The following PGAP1 variants were observed in gnomAD, a reference collection of about 807,000 sequenced individuals.
The protein encoded by PGAP1 is post-GPI attachment to proteins inositol deacylase 1, also known as GPI inositol-deacylase.
In PGAP1, 76 loss-of-function variants were observed where a neutral mutation model predicts 127.0. That is an observed-to-expected ratio of 0.60 (90% CI 0.50 to 0.72). The LOEUF is 0.72. Ranked by LOEUF, PGAP1 falls within the 30% of genes least tolerant of loss-of-function variation. The probability of loss-of-function intolerance (pLI) is 0.00; values close to 1 mark genes in which losing one functional copy is unlikely to be tolerated. For missense variants in PGAP1, 982 were observed against 1,071.3 expected, an observed-to-expected ratio of 0.92 and a Z score of 1.16; for synonymous variants, 362 against 366.5, an observed-to-expected ratio of 0.99 and a Z score of 0.14.
At chr2:196,852,987 T>C (rs1700768306) in intron 20 of PGAP1, among the ~76,000 whole-genome samples, 1 of 152,210 alleles carries the variant, frequency 6.6e-6, no homozygotes, top group Non-Finnish European at 1.5e-5. Flanking sequence ...AAGATTAAGA[T>C]TCGATATTAA....
chr2:196,883,402 C>A (rs1446780305), intron 12 of PGAP1, among the ~76,000 whole-genome samples: 1 of 152,172 alleles, frequency 6.6e-6, no homozygotes, highest in Admixed American at 6.5e-5. Context: ...CTGGGCTTCA[C>A]CCCGACTTAG....
chr2:196,876,157 G>A (rs558374303), intron 13 of PGAP1, among the ~76,000 whole-genome samples: 1 of 152,190 alleles, frequency 6.6e-6, no homozygotes, highest in African/African-American at 2.4e-5. Context: ...ATCAGCCTAG[G>A]CTAATTCAAG....
chr2:196,920,232 C>T (rs1020831631), intron 1 of PGAP1, 82 bp from the exon 2 acceptor site: 28 of 1,254,378 alleles, frequency 2.2e-5, no homozygotes, highest in Non-Finnish European at 3.0e-5. Flanking sequence ...CTGAATTACG[C>T]AAATTTGAAA....
chr2:196,845,323 GGA>G (rs1461830958), intron 23 of PGAP1, among the ~76,000 whole-genome samples: 1 of 150,698 alleles, frequency 6.6e-6, no homozygotes, highest in Non-Finnish European at 1.5e-5. Context: ...AGAATAACAT[GGA>G]GAGAATACAC....
chr2:196,922,169 T>C, intron 1 of PGAP1: 1 of 1,298,842 alleles, frequency 7.7e-7, no homozygotes, highest in African/African-American at 1.5e-5. Context: ...TCTGCCTTAG[T>C]TCAGGTTCTT....
In PGAP1 at chr2:196,838,411, C is replaced by T. The variant is rs1189764380; in HGVS notation, c.*2823G>A. 6.6e-6 allele frequency: 1 copy of T among 152,126 alleles called. No individual in the cohort carries two copies. Among genetic ancestry groups the T allele is most frequent in the Non-Finnish European group, 1.5e-5 (1 of 68,000 alleles). The allele number at this position is 152,126 out of a possible 1,614,324, so 9.4% of individuals were successfully genotyped here. ...TGATGAAAACTGTGTAATTTAAAGG[C>T]AAAGAACTTTCCTTTTCTCAAGTGA... On this transcript the variant is annotated 3_prime_UTR_variant, in exon 27 of 27. Transcript: ENST00000354764.
chr2:196,880,203 T>A (rs185159031), intron 12 of PGAP1, 50 bp from the exon 13 acceptor site: 3 of 1,132,260 alleles, frequency 2.6e-6, no homozygotes, highest in Admixed American at 2.9e-5. Context: ...GATTAATGCA[T>A]GTTTAAAGAA....
intron 19 of PGAP1, among the ~76,000 whole-genome samples, chr2:196,867,919 A>G (rs1421052503): frequency 6.6e-6 from 1 of 152,228 alleles, no homozygotes; most frequent in Non-Finnish European, 1.5e-5. Flanking sequence ...AGGTTGGGAA[A>G]GCTGAGTAAA....
At chr2:196,867,786 A>T (rs567456520) in intron 19 of PGAP1, among the ~76,000 whole-genome samples, 1 of 152,292 alleles carries the variant, frequency 6.6e-6, no homozygotes, top group East Asian at 1.9e-4. Context: ...AGTTGCAGAA[A>T]ATTTCAGAAA....
chr2:196,922,205 T>C, intron 1 of PGAP1: 7 of 1,293,520 alleles, frequency 5.4e-6, no homozygotes, highest in Non-Finnish European at 7.1e-6. Context: ...ACTCAAAAGG[T>C]AAAAATTCTA....
chr2:196,867,281 A>G (rs1185996296), intron 19 of PGAP1, among the ~76,000 whole-genome samples: 1 of 152,196 alleles, frequency 6.6e-6, no homozygotes, highest in Non-Finnish European at 1.5e-5. Flanking sequence ...TACACCATGG[A>G]ATACTATGCA....
At chr2:196,878,324 A>AT (rs1363421111) in intron 13 of PGAP1, among the ~76,000 whole-genome samples, 1 of 152,128 alleles carries the variant, frequency 6.6e-6, no homozygotes, top group East Asian at 1.9e-4. Context: ...TCTTAAGGTA[A>AT]TTTTTATATT....
At position 196,897,127 on chromosome 2, in the gene PGAP1, A is replaced by G. The variant is rs201984003; in HGVS notation, c.927+4T>C. On this transcript the variant is annotated splice_donor_region_variant and intron_variant, in intron 7 of 26. Transcript: ENST00000354764. ...TAAATAATTTTTAGTTTAAAAATAC[A>G]TACTTGTTTAGTATCAGCATCAATA... 520 of 1,508,814 alleles carry G rather than the reference A, an allele frequency of 3.4e-4. No individual in the cohort carries two copies. Among genetic ancestry groups the G allele is most frequent in the Non-Finnish European group, 4.0e-4 (441 of 1,103,322 alleles). The allele number at this position is 1,508,814 out of a possible 1,614,324, so 93.5% of individuals were successfully genotyped here. A position where few individuals can be genotyped will look rare whatever the true frequency, so the allele number is the denominator to read the frequency against.
rs768768202 is a variant in PGAP1, at chr2:196,842,871, C to CA, written c.2526-47dup. Reference sequence around the variant, plus strand: ...ACCCACAAATCAACAATGACCTGATCATTTTAAATTATCAGAATCAAGAGG... The same window carrying CA: ...ACCCACAAATCAACAATGACCTGATCAATTTTAAATTATCAGAATCAAGAGG... On this transcript the variant is annotated intron_variant, in intron 25 of 26. Transcript: ENST00000354764. 11 of 885,968 alleles carry CA rather than the reference C, an allele frequency of 1.2e-5. No individual in the cohort carries two copies. The Admixed American group carries it at 2.8e-4, about 23-fold the overall frequency. The allele number at this position is 885,968 out of a possible 1,614,324, so 54.9% of individuals were successfully genotyped here. A position where few individuals can be genotyped will look rare whatever the true frequency, so the allele number is the denominator to read the frequency against.
In PGAP1 at chr2:196,845,686, C is replaced by A. The variant is rs1700537154; in HGVS notation, c.2286+196G>T. Reference sequence around the variant, plus strand: ...CTTTCCTTTTTAACAACAAAAAAACCCCAACTTAGATCAATAATTTCCCTT... The same window carrying A: ...CTTTCCTTTTTAACAACAAAAAAACACCAACTTAGATCAATAATTTCCCTT... On this transcript the variant is annotated intron_variant, in intron 23 of 26. Coordinates refer to ENST00000354764, the MANE Select transcript of PGAP1 (RefSeq NM_024989.4). Among the ~76,000 whole-genome samples, 3 of 151,816 alleles carry A rather than the reference C, an allele frequency of 2.0e-5. No homozygotes were observed. The South Asian group carries it at 6.2e-4, about 32-fold the overall frequency.
chr2:196,900,055 A>AAACAC (rs1702431392), intron 5 of PGAP1, among the ~76,000 whole-genome samples: 2 of 152,164 alleles, frequency 1.3e-5, no homozygotes, highest in East Asian at 1.9e-4. Context: ...AAACAAAACA[A>AAACAC]AACACACAAA....
rs771407045 is a variant in PGAP1, at chr2:196,858,904, T to C, written c.1861+6083A>G. 5.3e-5 allele frequency among the ~76,000 whole-genome samples: 8 copies of C among 152,164 alleles called. No individual in the cohort carries two copies. The Middle Eastern group carries it at 0.017, about 323-fold the overall frequency. The stretch of plus-strand genomic sequence containing the variant: ...GATACCACAGAAATAGAAAGGATCA[T>C]TAGAGAATATTATAAACAAATTTAA... On this transcript the variant is annotated intron_variant, in intron 20 of 26. Transcript: ENST00000354764.
At chr2:196,889,916 TG>T (rs1270644015) in intron 10 of PGAP1, among the ~76,000 whole-genome samples, 2 of 151,760 alleles carry the variant, frequency 1.3e-5, no homozygotes, top group Admixed American at 1.3e-4. Flanking sequence ...GATAAATTAT[TG>T]AAGTACTACT....
chr2:196,869,307 A>G (rs1370587127), intron 19 of PGAP1, among the ~76,000 whole-genome samples: 1 of 152,136 alleles, frequency 6.6e-6, no homozygotes, highest in Non-Finnish European at 1.5e-5. Flanking sequence ...TAAATATACA[A>G]TAGTATGAAT....
Sources: gnomAD v4.1 joint callset for allele counts (sites outside exome capture counted in the v4.1 genomes callset) on GRCh38, gnomAD v4.1.1 for gene constraint, MANE v1.5 for transcripts, NCBI Gene and HGNC (gene_info 2026-07-23, HGNC 2026-07-21) for gene names.